Variants in GRIN3A observed in about 807,000 individuals in gnomAD.
The protein encoded by GRIN3A is glutamate ionotropic receptor NMDA type subunit 3A, also known as glutamate receptor ionotropic, NMDA 3A.
A neutral mutation model predicts 92.4 loss-of-function variants in GRIN3A; 47 were observed. That is an observed-to-expected ratio of 0.51 (90% CI 0.40 to 0.65). The LOEUF (loss-of-function observed/expected upper bound fraction) is 0.65, where lower values mean the gene tolerates loss of function less well. Among genes scored for constraint, GRIN3A ranks in the 30% least tolerant of loss-of-function variants. GRIN3A has a pLI of 0.00. For synonymous variants in GRIN3A, 527 were observed against 540.6 expected (o/e 0.97, Z 0.35); for missense variants, 1,324 against 1,393.1 (o/e 0.95, Z 0.79).
chr9:101,698,803 G>A (rs1433546031), intron 1 of GRIN3A, among the ~76,000 whole-genome samples: 1 of 152,018 alleles, frequency 6.6e-6, no homozygotes, highest in Non-Finnish European at 1.5e-5. Context: ...CAAGTAGATG[G>A]GACTACAGGT....
chr9:101,655,465 A>T (rs1373807842), intron 3 of GRIN3A, among the ~76,000 whole-genome samples: 3 of 151,908 alleles, frequency 2.0e-5, no homozygotes, highest in Non-Finnish European at 2.9e-5. Flanking sequence ...TCTTTTTCTG[A>T]TAATTGTTCT....
At chr9:101,735,822 C>G (rs559231546) in intron 1 of GRIN3A, among the ~76,000 whole-genome samples, 1 of 150,458 alleles carries the variant, frequency 6.6e-6, no homozygotes, top group African/African-American at 2.4e-5. Flanking sequence ...CTGCTGCCTA[C>G]ACCATTCAGA....
At chr9:101,615,541 A>G (rs577525315) in intron 5 of GRIN3A, among the ~76,000 whole-genome samples, 3 of 150,912 alleles carry the variant, frequency 2.0e-5, no homozygotes, top group South Asian at 4.2e-4. Flanking sequence ...TATTTTTAGT[A>G]GAGATGGGGT....
chr9:101,682,961 G>A (rs56257997), intron 2 of GRIN3A, among the ~76,000 whole-genome samples: 22,965 of 152,216 alleles, frequency 0.15, 2,811 homozygotes, highest in African/African-American at 0.34. Context: ...CAGCCTGGGC[G>A]ACAGAGAAAG....
rs764497411 is a variant in GRIN3A, at chr9:101,686,624, T to A, written c.1276A>T (p.Asn426Tyr). The A allele has an allele frequency of 1.9e-6, 3 of 1,614,152 alleles. No individual in the cohort carries two copies. Among genetic ancestry groups the A allele is most frequent in the South Asian group, 2.2e-5 (2 of 91,084 alleles). ...TMNCMEVETT[N>Y]LTSGQYLSRF... ...GATAAATATTGTCCTGAAGTGAGAT[T>A]TGTAGTTTCCACCTCCATGCAGTTC... Residue 426 changes from asparagine (N) to tyrosine (Y), a missense_variant, in exon 2 of 9, where the codon AAT becomes TAT. Asn to Tyr is a moderately radical substitution (Grantham distance 143, BLOSUM62 -2). Transcript: ENST00000361820.
chr9:101,622,148 G>C (rs1588253359), intron 5 of GRIN3A, among the ~76,000 whole-genome samples: 1 of 152,172 alleles, frequency 6.6e-6, no homozygotes, highest in South Asian at 2.1e-4. Context: ...AGCATCAGCT[G>C]TAACATTCTC....
At chr9:101,676,665 A>T (rs1461269042) in intron 2 of GRIN3A, among the ~76,000 whole-genome samples, 1 of 152,002 alleles carries the variant, frequency 6.6e-6, no homozygotes, top group South Asian at 2.1e-4. Context: ...TCCTACCAGG[A>T]TCACCTAATT....
chr9:101,627,345 A>G (rs754112749), intron 4 of GRIN3A, among the ~76,000 whole-genome samples: 21 of 152,336 alleles, frequency 1.4e-4, no homozygotes, highest in Non-Finnish European at 2.4e-4. Context: ...GCATGTTTCT[A>G]AAGTTGTTGA....
intron 1 of GRIN3A, among the ~76,000 whole-genome samples, chr9:101,727,951 G>A (rs1256326691): frequency 6.6e-6 from 1 of 151,410 alleles, no homozygotes; most frequent in African/African-American, 2.4e-5. Context: ...CACAATGTGT[G>A]AAAAGACTCA....
intron 3 of GRIN3A, among the ~76,000 whole-genome samples, chr9:101,655,038 A>C (rs1006243628): frequency 6.6e-6 from 1 of 151,930 alleles, no homozygotes; most frequent in African/African-American, 2.4e-5. Context: ...ACTTAAAGTC[A>C]TTAGTCAATA....
chr9:101,693,853 G>A lies in GRIN3A; in HGVS notation c.700-6653C>T, dbSNP rs531910924. Among the ~76,000 whole-genome samples, 26 of 152,258 alleles carry A rather than the reference G, an allele frequency of 1.7e-4. 1 individual carries two copies. The highest frequency in any genetic ancestry group is 5.8e-4 in the African/African-American group (24 of 41,570). On this transcript the variant is annotated intron_variant, in intron 1 of 8. Coordinates refer to ENST00000361820, the MANE Select transcript of GRIN3A (RefSeq NM_133445.3). The stretch of plus-strand genomic sequence containing the variant: ...ATCAGTTTTGTGTTTGGTAGAGTAA[G>A]CAAGTTTGGAAAAGCTCACCTAAAG...
At chr9:101,575,435 G>T (rs1827813455) in intron 8 of GRIN3A, among the ~76,000 whole-genome samples, 1 of 152,060 alleles carries the variant, frequency 6.6e-6, no homozygotes, top group Non-Finnish European at 1.5e-5. Flanking sequence ...TGTGTCTTGG[G>T]GTGAGAGGAA....
intron 6 of GRIN3A, chr9:101,591,652 C>T (rs1299528618): frequency 6.6e-6 from 1 of 152,194 alleles, no homozygotes; most frequent in Non-Finnish European, 1.5e-5. Context: ...TCCCAAGAAA[C>T]TGTATAGAAC....
chr9:101,644,020 T>C (rs1828900392), intron 3 of GRIN3A, among the ~76,000 whole-genome samples: 1 of 151,774 alleles, frequency 6.6e-6, no homozygotes, highest in Non-Finnish European at 1.5e-5. Context: ...ACAGTAGTTA[T>C]TAAATGTTCT....
intron 1 of GRIN3A, among the ~76,000 whole-genome samples, chr9:101,696,156 A>T (rs1360571245): frequency 1.3e-5 from 2 of 152,202 alleles, no homozygotes; most frequent in Non-Finnish European, 2.9e-5. Flanking sequence ...CTTGTCAGGA[A>T]CTTGGACTTG....
chr9:101,633,195 G>C (rs1002029834), intron 3 of GRIN3A, among the ~76,000 whole-genome samples: 2 of 152,116 alleles, frequency 1.3e-5, no homozygotes, highest in African/African-American at 4.8e-5. Flanking sequence ...TCCCAGTGCT[G>C]AGTATACTCA....
At chr9:101,686,529 G>A (rs1829536041) in intron 2 of GRIN3A, 67 bp downstream of exon 2, 2 of 1,564,928 alleles carry the variant, frequency 1.3e-6, no homozygotes, top group Non-Finnish European at 1.8e-6. Flanking sequence ...AAAGCGGACA[G>A]ATAGGGGAAT....
At chr9:101,666,687 A>C (rs1021867038) in intron 3 of GRIN3A, among the ~76,000 whole-genome samples, 4 of 151,970 alleles carry the variant, frequency 2.6e-5, no homozygotes, top group Non-Finnish European at 5.9e-5. Flanking sequence ...TGACTACCAT[A>C]TTTTCTAGCC....
chr9:101,648,559 T>C (rs957312218), intron 3 of GRIN3A, among the ~76,000 whole-genome samples: 1 of 152,102 alleles, frequency 6.6e-6, no homozygotes, highest in Non-Finnish European at 1.5e-5. Context: ...AGTGGGATCC[T>C]GAAGTCTCTA....
Sources: allele counts gnomAD v4.1 joint callset (sites outside exome capture counted in the v4.1 genomes callset), GRCh38; gene constraint gnomAD v4.1.1; transcripts MANE v1.5; gene names NCBI Gene and HGNC (gene_info 2026-07-23, HGNC 2026-07-21).